Variants in SH2D7 observed in about 807,000 individuals in gnomAD.
SH2D7 encodes the protein SH2 domain containing 7.
A neutral mutation model predicts 40.8 loss-of-function variants in SH2D7; 32 were observed. The ratio of observed to expected loss-of-function variants is 0.78; its 90% CI spans 0.59 to 1.05. The LOEUF is 1.05. SH2D7 is among the 50% of genes least tolerant of loss of function. SH2D7 has a pLI of 0.00. For missense variants in SH2D7, 559 were observed against 566.6 expected, an observed-to-expected ratio of 0.99 and a Z score of 0.14; for synonymous variants, 195 against 221.5, an observed-to-expected ratio of 0.88 and a Z score of 1.06.
Position 78,098,097 on chromosome 15 carries a change from A to T in SH2D7, c.432+3A>T, listed in dbSNP as rs774973395. 1.0e-5 allele frequency: 16 copies of T among 1,603,952 alleles called. No individual in the cohort carries two copies. Among genetic ancestry groups the T allele is most frequent in the Non-Finnish European group, 1.4e-5 (16 of 1,174,680 alleles). On this transcript the variant is annotated splice_donor_region_variant and intron_variant, in intron 3 of 5. Coordinates refer to ENST00000328828, the MANE Select transcript of SH2D7 (RefSeq NM_001101404.2). ...TGCTGACTGCTGCCTGCCCCCGGGT[A>T]GGCGCCCCACTTCCCCAGGGTGAGG...
intron 4 of SH2D7, among the ~76,000 whole-genome samples, chr15:78,099,751 T>C (rs1402952562): frequency 6.6e-6 from 1 of 152,116 alleles, no homozygotes; most frequent in East Asian, 1.9e-4. Flanking sequence ...CCTCTGCTTC[T>C]TCACTGGAGG....
In SH2D7 at chr15:78,097,950, TTTTGTCATCA is replaced by T; in HGVS notation, c.289_298del (p.Phe97ThrfsTer39). ...GCAGGGGCAGTGATCGCTGCCGACA[TTTTGTCATCA>T]ACCAGCTTCGAAACCGGCGTTACAT... On this transcript the variant is annotated frameshift_variant, in exon 3 of 6. Transcript: ENST00000328828. LOFTEE classifies it high-confidence loss of function. 1 of 1,606,284 alleles carries T rather than the reference TTTTGTCATCA, an allele frequency of 6.2e-7. No homozygotes were observed. Among genetic ancestry groups the T allele is most frequent in the South Asian group, 1.1e-5 (1 of 89,910 alleles).
At chr15:78,101,628 A>C in intron 5 of SH2D7, 70 bp downstream of exon 5, 1 of 1,476,982 alleles carries the variant, frequency 6.8e-7, no homozygotes, top group Non-Finnish European at 8.9e-7. Flanking sequence ...GACAACCTGA[A>C]GCCCCCAGGC....
At position 78,103,508 on chromosome 15, in the gene SH2D7, A is replaced by G. The variant is rs1418968397; in HGVS notation, c.1349A>G (p.Lys450Arg). The G allele has an allele frequency of 5.1e-6, 8 of 1,564,348 alleles. No homozygotes were observed. The highest frequency in any genetic ancestry group is 1.7e-4 in the Middle Eastern group (1 of 6,030). ...CTCTTCTTCACGTACAGGAAGCACA[A>G]ATTCTGAGGGCCTGGCATCCGGCAG... ...RRLFFTYRKH[K>R]F Residue 450 changes from lysine to arginine, a missense_variant, in exon 6 of 6, where the codon AAA becomes AGA. Coordinates refer to ENST00000328828, the MANE Select transcript of SH2D7 (RefSeq NM_001101404.2).
chr15:78,101,939 T>C (rs2141875573), intron 5 of SH2D7, among the ~76,000 whole-genome samples: 1 of 152,282 alleles, frequency 6.6e-6, no homozygotes, highest in East Asian at 1.9e-4. Context: ...CAGTTAAACC[T>C]GAATTACAGA....
At chr15:78,094,599 G>T (rs917988418) in intron 2 of SH2D7, among the ~76,000 whole-genome samples, 6 of 152,160 alleles carry the variant, frequency 3.9e-5, no homozygotes, top group African/African-American at 1.4e-4. Flanking sequence ...GGGTGCTGGG[G>T]GAGCTGCAGG....
At chr15:78,096,825 T>A (rs953577037) in intron 2 of SH2D7, among the ~76,000 whole-genome samples, 4 of 152,164 alleles carry the variant, frequency 2.6e-5, no homozygotes, top group Non-Finnish European at 5.9e-5. Flanking sequence ...TAGAAAGCAA[T>A]TTGGCATGAT....
At chr15:78,102,546 G>A (rs1489359791) in intron 5 of SH2D7, among the ~76,000 whole-genome samples, 2 of 152,036 alleles carry the variant, frequency 1.3e-5, no homozygotes, top group African/African-American at 4.8e-5. Flanking sequence ...GGGTGGTGGT[G>A]GTGGTAGTGG....
chr15:78,093,854 TGGG>T (rs1202791416), intron 1 of SH2D7, among the ~76,000 whole-genome samples: 2 of 152,030 alleles, frequency 1.3e-5, no homozygotes, highest in Non-Finnish European at 2.9e-5. Flanking sequence ...AGTGGGGAGT[TGGG>T]GGGGTTGCAT....
At position 78,092,613 on chromosome 15, in the gene SH2D7, T is replaced by TGGGGAGAGATCCTGAGGGGGCA. The variant is rs1177604854; in HGVS notation, c.35_56dup (p.Asp19GlufsTer4). Reference sequence around the variant, plus strand: ...GAGGACAGCCTAAAGCAGCTCAGCCTGGGGAGAGATCCTGAGGGGGCAGGG... The same window carrying TGGGGAGAGATCCTGAGGGGGCA: ...GAGGACAGCCTAAAGCAGCTCAGCCTGGGGAGAGATCCTGAGGGGGCAGGGGAGAGATCCTGAGGGGGCAGGG... On this transcript the variant is annotated frameshift_variant, in exon 1 of 6. Coordinates refer to ENST00000328828, the MANE Select transcript of SH2D7 (RefSeq NM_001101404.2). LOFTEE classifies it high-confidence loss of function. The TGGGGAGAGATCCTGAGGGGGCA allele has an allele frequency of 3.9e-5, 60 of 1,553,300 alleles. No homozygotes were observed. The highest frequency in any genetic ancestry group is 4.9e-5 in the Non-Finnish European group (56 of 1,148,220).
chr15:78,097,081 A>G (rs934183927), intron 2 of SH2D7, among the ~76,000 whole-genome samples: 3 of 152,244 alleles, frequency 2.0e-5, no homozygotes, highest in African/African-American at 7.2e-5. Flanking sequence ...CTACTTGGAC[A>G]TGAATCAATC....
rs868814497 is a variant in SH2D7 at position 78,095,898 on chromosome 15, A to G, written c.266+1697A>G. On this transcript the variant is annotated intron_variant, in intron 2 of 5. Transcript: ENST00000328828. Reference sequence around the variant, plus strand: ...CGCTCTCTCGCTCTGGCTGGAGTGCAGTGGCGCGATCTCTGCTCACTGCCA... The same window carrying G: ...CGCTCTCTCGCTCTGGCTGGAGTGCGGTGGCGCGATCTCTGCTCACTGCCA... 1.3e-4 allele frequency among the ~76,000 whole-genome samples: 20 copies of G among 152,210 alleles called. No homozygotes were observed. The South Asian group carries it at 1.4e-3, about 11-fold the overall frequency.
At position 78,103,558 on chromosome 15, in the gene SH2D7, C is replaced by T. The variant is rs972139601; in HGVS notation, c.*43C>T. On this transcript the variant is annotated 3_prime_UTR_variant, in exon 6 of 6. Coordinates refer to ENST00000328828, the MANE Select transcript of SH2D7 (RefSeq NM_001101404.2). The stretch of plus-strand genomic sequence containing the variant: ...GCCCACCAGTGGGTTTCCTGGTACC[C>T]AGGCCATGCCAGGGGTTATCGCAAA... 29 of 1,551,174 alleles carry T rather than the reference C, an allele frequency of 1.9e-5. 1 individual carries two copies. The Admixed American group carries it at 5.5e-4, about 29-fold the overall frequency.
chr15:78,099,101 C>T (rs1393604368), intron 4 of SH2D7, among the ~76,000 whole-genome samples: 1 of 151,944 alleles, frequency 6.6e-6, no homozygotes, highest in Non-Finnish European at 1.5e-5. Flanking sequence ...GCAATCTCCG[C>T]CGTCTCCTGG....
intron 4 of SH2D7, among the ~76,000 whole-genome samples, chr15:78,100,420 G>A (rs773884308): frequency 2.6e-5 from 4 of 152,144 alleles, no homozygotes; most frequent in Non-Finnish European, 5.9e-5. Context: ...GTCCTAGGCC[G>A]GGTGTGGTGG....
At chr15:78,092,560 T>G (rs1229558139), upstream of SH2D7, 14 of 1,539,472 alleles carry the variant, frequency 9.1e-6, no homozygotes, top group African/African-American at 1.8e-4. Context: ...GGCTGCGCTC[T>G]GCTTCCACTC....
intron 1 of SH2D7, 53 bp downstream of exon 1, chr15:78,092,813 G>T (rs545036000): frequency 4.6e-5 from 71 of 1,529,644 alleles, no homozygotes; most frequent in Non-Finnish European, 6.1e-5. Flanking sequence ...CCTTGGGGCT[G>T]AGAAAATGGT....
intron 2 of SH2D7, among the ~76,000 whole-genome samples, chr15:78,094,778 G>A (rs1352943695): frequency 1.3e-5 from 2 of 152,176 alleles, no homozygotes; most frequent in African/African-American, 4.8e-5. Context: ...GAGAGGACTG[G>A]AAGTCAGAGC....
At position 78,092,719 on chromosome 15, in the gene SH2D7, C is replaced by T. The variant is rs376619550; in HGVS notation, c.135C>T (p.Asn45=). 1.8e-4 allele frequency: 297 copies of T among 1,605,692 alleles called. No individual in the cohort carries two copies. The highest frequency in any genetic ancestry group is 1.3e-3 in the Admixed American group (76 of 58,924). The change falls in exon 1 of 6, where the codon AAC becomes AAT. Residue 45 remains asparagine, a synonymous_variant. Coordinates refer to ENST00000328828, the MANE Select transcript of SH2D7 (RefSeq NM_001101404.2). ...CACAGGCCCCCTTCATTCTGCAGAA[C>T]GGTGCCCTGCCTCCCTGGTTTCATG... is the stretch of plus-strand genomic sequence containing the variant. ...METQAPFILQ[N]GALPPWFHGF... is the part of the protein sequence containing the mutation.
Sources: gnomAD v4.1 joint callset for allele counts (sites outside exome capture counted in the v4.1 genomes callset) on GRCh38, gnomAD v4.1.1 for gene constraint, MANE v1.5 for transcripts, NCBI Gene and HGNC (gene_info 2026-07-23, HGNC 2026-07-21) for gene names.